TEX9: variants seen among roughly 807,000 people sequenced by gnomAD.
The protein encoded by TEX9 is testis expressed 9, also known as testis-expressed protein 9.
Under a neutral mutation model 59.6 loss-of-function variants are expected in TEX9, and 74 were observed. That is an observed-to-expected ratio of 1.24 (90% CI 1.03 to 1.51). The LOEUF (loss-of-function observed/expected upper bound fraction) is 1.51, where lower values mean the gene tolerates loss of function less well. Among genes scored for constraint, TEX9 ranks in the 40% most tolerant of loss-of-function variants. The pLI, the probability that TEX9 is intolerant of heterozygous loss-of-function variation, is 0.00. For synonymous variants in TEX9, 186 were observed against 152.2 expected, an observed-to-expected ratio of 1.22 and a Z score of -1.64; for missense variants, 522 against 447.8, an observed-to-expected ratio of 1.17 and a Z score of -1.49.
intron 9 of TEX9, chr15:56,395,748 T>C (rs1251126734): frequency 6.6e-6 from 1 of 152,228 alleles, no homozygotes; most frequent in African/African-American, 2.4e-5. Flanking sequence ...TTTCATGTGC[T>C]TATTGGCATT....
chr15:56,407,051 T>C (rs748852486), intron 9 of TEX9, among the ~76,000 whole-genome samples: 1 of 152,082 alleles, frequency 6.6e-6, no homozygotes, highest in Non-Finnish European at 1.5e-5. Flanking sequence ...ATGAGACTTT[T>C]CTCCTGATTT....
chr15:56,405,287 A>G (rs540662940), intron 9 of TEX9, among the ~76,000 whole-genome samples: 1 of 150,752 alleles, frequency 6.6e-6, no homozygotes, highest in South Asian at 2.1e-4. Context: ...AGCCTGGGTG[A>G]CAGAGCAAGA....
At chr15:56,407,577 G>T (rs1201261961) in intron 9 of TEX9, among the ~76,000 whole-genome samples, 4 of 151,944 alleles carry the variant, frequency 2.6e-5, no homozygotes, top group African/African-American at 9.7e-5. Flanking sequence ...TTCTGATACT[G>T]ATAATTTGTC....
chr15:56,426,345 G>C (rs1392476752), intron 10 of TEX9, among the ~76,000 whole-genome samples: 7 of 151,916 alleles, frequency 4.6e-5, no homozygotes, highest in African/African-American at 1.7e-4. Flanking sequence ...TAAAGGGTGA[G>C]CAAAACACCA....
At chr15:56,396,482 C>A (rs2048474787) in intron 9 of TEX9, 1 of 151,824 alleles carries the variant, frequency 6.6e-6, no homozygotes, top group Non-Finnish European at 1.5e-5. Context: ...ACCAGGCAAC[C>A]ACTGATCTGT....
intron 12 of TEX9, among the ~76,000 whole-genome samples, chr15:56,442,052 A>G (rs544331000): frequency 6.6e-6 from 1 of 151,998 alleles, no homozygotes; most frequent in South Asian, 2.1e-4. Context: ...ATAAATAAAT[A>G]AAAAGAAAAA....
chr15:56,455,032 A>C, the TEX9 span, among the ~76,000 whole-genome samples: 1 of 152,160 alleles, frequency 6.6e-6, no homozygotes, highest in Non-Finnish European at 1.5e-5. Flanking sequence ...GTTTGGAATC[A>C]GCAGAAACCT....
intron 1 of TEX9, among the ~76,000 whole-genome samples, chr15:56,325,713 C>A (rs1367746085): frequency 2.0e-5 from 3 of 152,234 alleles, no homozygotes; most frequent in South Asian, 2.1e-4. Context: ...TCTTGATGGA[C>A]TCTCGTTCAC....
chr15:56,322,009 A>C (rs954307972), intron 1 of TEX9, among the ~76,000 whole-genome samples: 4 of 152,130 alleles, frequency 2.6e-5, no homozygotes, highest in Admixed American at 2.6e-4. Flanking sequence ...GGGAATAGAT[A>C]AATGACTCTA....
At chr15:56,330,843 C>G (rs1223586914) in intron 1 of TEX9, among the ~76,000 whole-genome samples, 1 of 151,440 alleles carries the variant, frequency 6.6e-6, no homozygotes, top group African/African-American at 2.4e-5. Flanking sequence ...CTAAACTTTC[C>G]AATAAAAAGA....
intron 1 of TEX9, among the ~76,000 whole-genome samples, chr15:56,279,886 G>C (rs1009591940): frequency 2.0e-5 from 3 of 152,128 alleles, no homozygotes; most frequent in African/African-American, 4.8e-5. Flanking sequence ...ACAATGCTTT[G>C]ACTTACAAGT....
chr15:56,444,260 CATTT>C (rs2050869204), intron 12 of TEX9, among the ~76,000 whole-genome samples: 1 of 152,016 alleles, frequency 6.6e-6, no homozygotes, highest in Non-Finnish European at 1.5e-5. Flanking sequence ...TCAGATAATT[CATTT>C]ATTAATTATG....
intron 9 of TEX9, among the ~76,000 whole-genome samples, chr15:56,402,541 C>T (rs1250669230): frequency 6.6e-6 from 1 of 152,146 alleles, no homozygotes; most frequent in Non-Finnish European, 1.5e-5. Context: ...GATTCACAGG[C>T]GAATTCTACC....
At chr15:56,356,760 C>T (rs2046692022) in intron 1 of TEX9, among the ~76,000 whole-genome samples, 1 of 152,146 alleles carries the variant, frequency 6.6e-6, no homozygotes, top group South Asian at 2.1e-4. Context: ...AAATGAGTCA[C>T]TTGAGCCTGT....
intron 1 of TEX9, among the ~76,000 whole-genome samples, chr15:56,293,258 AC>A (rs1201928511): frequency 6.6e-6 from 1 of 152,032 alleles, no homozygotes; most frequent in Non-Finnish European, 1.5e-5. Context: ...GACCCCTTGA[AC>A]CCAAGAGTTT....
chr15:56,353,206 G>T (rs1383083514), intron 1 of TEX9, among the ~76,000 whole-genome samples: 1 of 152,042 alleles, frequency 6.6e-6, no homozygotes, highest in Non-Finnish European at 1.5e-5. Flanking sequence ...ATATAAGCTT[G>T]TTTTAATTAA....
chr15:56,412,960 C>T (rs1425867973), intron 10 of TEX9, among the ~76,000 whole-genome samples: 2 of 152,000 alleles, frequency 1.3e-5, no homozygotes, highest in Non-Finnish European at 2.9e-5. Flanking sequence ...AACAAGTTCC[C>T]AGGTAAATTA....
At chr15:56,401,243 T>C (rs983033466) in intron 9 of TEX9, among the ~76,000 whole-genome samples, 5 of 138,732 alleles carry the variant, frequency 3.6e-5, no homozygotes, top group African/African-American at 1.4e-4. Flanking sequence ...ACCCATCTCA[T>C]GTGCAGAGAC....
chr15:56,401,547 G>C (rs2048783512), intron 9 of TEX9, among the ~76,000 whole-genome samples: 1 of 152,078 alleles, frequency 6.6e-6, no homozygotes, highest in Non-Finnish European at 1.5e-5. Context: ...AATAATGGGA[G>C]ACTTTTACAC....
Sources: gnomAD v4.1 joint callset for allele counts (sites outside exome capture counted in the v4.1 genomes callset) on GRCh38, gnomAD v4.1.1 for gene constraint, MANE v1.5 for transcripts, NCBI Gene and HGNC (gene_info 2026-07-23, HGNC 2026-07-21) for gene names.